The following DLGAP2 variants were observed in gnomAD, a reference collection of about 807,000 sequenced individuals.
DLGAP2 encodes DLG associated protein 2.
Under a neutral mutation model 100.3 loss-of-function variants are expected in DLGAP2, and 26 were observed. That is an observed-to-expected ratio of 0.26 (90% CI 0.19 to 0.36). DLGAP2 has a LOEUF of 0.36. Ranked by LOEUF, DLGAP2 falls within the 10% of genes least tolerant of loss-of-function variation. DLGAP2 has a pLI of 1.00. For missense variants in DLGAP2, 1,858 were observed against 1,453.2 expected (o/e 1.28, Z -4.53); for synonymous variants, 886 against 630.1 (o/e 1.41, Z -6.08).
At chr8:1,627,881 G>T (rs4875879) in intron 7 of DLGAP2, among the ~76,000 whole-genome samples, 29,769 of 140,192 alleles carry the variant, frequency 0.21, 2,963 homozygotes, top group African/African-American at 0.35. Flanking sequence ...TTACTGTGGA[G>T]CAGGAATTAA....
intron 6 of DLGAP2, among the ~76,000 whole-genome samples, chr8:1,623,316 C>CA (rs1797396055): frequency 6.6e-6 from 1 of 152,140 alleles, no homozygotes; most frequent in Non-Finnish European, 1.5e-5. Flanking sequence ...TGACCTGGCA[C>CA]CAGTGTGTGA....
chr8:1,660,213 T>C (rs913929369), intron 8 of DLGAP2, among the ~76,000 whole-genome samples: 1 of 152,234 alleles, frequency 6.6e-6, no homozygotes, highest in Non-Finnish European at 1.5e-5. Context: ...AGAGATCTGC[T>C]GTTAGTCTCA....
intron 2 of DLGAP2, among the ~76,000 whole-genome samples, chr8:1,107,115 C>G (rs1016332780): frequency 6.6e-6 from 1 of 152,174 alleles, no homozygotes; most frequent in Non-Finnish European, 1.5e-5. Context: ...CGGGCGGTAT[C>G]ACACACGCAT....
Position 1,258,395 on chromosome 8 carries a change from T to A in DLGAP2, c.74-456T>A, listed in dbSNP as rs983290722. On this transcript the variant is annotated intron_variant, in intron 2 of 14. Transcript: ENST00000637795. Reference sequence around the variant, plus strand: ...GTGGGAGTTGAACAATGAGAACACATGGACATAGAGGGGAATGTCACACAC... The same window carrying A: ...GTGGGAGTTGAACAATGAGAACACAAGGACATAGAGGGGAATGTCACACAC... 3.7e-5 allele frequency among the ~76,000 whole-genome samples: 5 copies of A among 136,580 alleles called. No individual in the cohort carries two copies. The Admixed American group carries it at 3.9e-4, about 11-fold the overall frequency. 89.6% of individuals were successfully genotyped at this position (136,580 alleles called of 152,430 possible).
Position 1,676,392 on chromosome 8 carries a change from G to A in DLGAP2, c.2203-141G>A, listed in dbSNP as rs183148112. 862 of 781,414 alleles carry A rather than the reference G, an allele frequency of 1.1e-3. 3 individuals are homozygous for A. Among genetic ancestry groups the A allele is most frequent in the Non-Finnish European group, 1.6e-3 (762 of 470,592 alleles). 48.4% of individuals were successfully genotyped at this position (781,414 alleles called of 1,614,324 possible). ...AGTGTGAATGCATTTCCCTCTCTGC[G>A]GTTTTACTGGGTCAAGTGCACCGCT... On this transcript the variant is annotated intron_variant, in intron 10 of 14. Transcript: ENST00000637795.
intron 1 of DLGAP2, among the ~76,000 whole-genome samples, chr8:845,840 G>T (rs1797062019): frequency 6.6e-6 from 1 of 152,194 alleles, no homozygotes; most frequent in African/African-American, 2.4e-5. Flanking sequence ...TTTGCATATG[G>T]TGTGAGGAAG....
chr8:1,666,150 C>T (rs1236241931), intron 8 of DLGAP2, among the ~76,000 whole-genome samples: 2 of 152,194 alleles, frequency 1.3e-5, no homozygotes, highest in African/African-American at 2.4e-5. Context: ...TGGGAACTTT[C>T]TGAGTCTCCT....
rs183964446 is a variant in DLGAP2, at chr8:901,119, A to T, written c.19-6793A>T. On this transcript the variant is annotated intron_variant, in intron 1 of 14. Coordinates refer to ENST00000637795, the MANE Select transcript of DLGAP2 (RefSeq NM_001346810.2). ...CAGCCGGTAAAGACCCCATATCTTT[A>T]AAAAAAATTGTTTTTTAATTAGCTG... is the stretch of plus-strand genomic sequence containing the variant. 3.9e-4 allele frequency among the ~76,000 whole-genome samples: 60 copies of T among 152,096 alleles called. 1 individual carries two copies. Among genetic ancestry groups the T allele is most frequent in the African/African-American group, 1.1e-3 (46 of 41,506 alleles).
intron 3 of DLGAP2, among the ~76,000 whole-genome samples, chr8:1,387,089 C>A (rs544969948): frequency 6.6e-6 from 1 of 151,942 alleles, no homozygotes; most frequent in African/African-American, 2.4e-5. Flanking sequence ...CGGGTGTGGT[C>A]GAAAAGCTCA....
At chr8:851,153 G>C (rs1443099381) in intron 1 of DLGAP2, among the ~76,000 whole-genome samples, 2 of 152,258 alleles carry the variant, frequency 1.3e-5, no homozygotes, top group Non-Finnish European at 2.9e-5. Flanking sequence ...CAAGTGCCAT[G>C]TGTTACAGTT....
At chr8:1,208,226 G>C (rs4596679) in intron 2 of DLGAP2, among the ~76,000 whole-genome samples, 318 of 152,076 alleles carry the variant, frequency 2.1e-3, no homozygotes, top group African/African-American at 7.4e-3. Flanking sequence ...ATCCATCTTG[G>C]GTTGATTCTT....
intron 2 of DLGAP2, among the ~76,000 whole-genome samples, chr8:1,127,092 T>TC (rs1474596039): frequency 7.8e-6 from 1 of 128,404 alleles, no homozygotes; most frequent in South Asian, 2.7e-4. Flanking sequence ...CCCCACCCTG[T>TC]CCCAGCACAG....
intron 3 of DLGAP2, among the ~76,000 whole-genome samples, chr8:1,469,394 A>C (rs935839611): frequency 1.3e-5 from 2 of 152,184 alleles, no homozygotes; most frequent in Non-Finnish European, 2.9e-5. Flanking sequence ...ATGCGTGGCC[A>C]CCATCTCCTC....
chr8:1,190,263 C>G (rs1156533150), intron 2 of DLGAP2, among the ~76,000 whole-genome samples: 2 of 152,210 alleles, frequency 1.3e-5, no homozygotes, highest in Non-Finnish European at 2.9e-5. Context: ...GCACTCCCCA[C>G]TTGCTGTGGT....
chr8:1,041,205 G>A (rs1016993132), intron 2 of DLGAP2, among the ~76,000 whole-genome samples: 5 of 152,192 alleles, frequency 3.3e-5, no homozygotes, highest in Non-Finnish European at 7.3e-5. Flanking sequence ...CCCCACCCAT[G>A]TTGTATCTGC....
chr8:852,332 C>T (rs1797197317), intron 1 of DLGAP2, among the ~76,000 whole-genome samples: 1 of 152,144 alleles, frequency 6.6e-6, no homozygotes, highest in Non-Finnish European at 1.5e-5. Context: ...GTCATGAAAC[C>T]ACAGTAGCCT....
chr8:745,904 G>T (rs1820606080), intron 1 of DLGAP2, among the ~76,000 whole-genome samples: 5 of 152,220 alleles, frequency 3.3e-5, no homozygotes, highest in Admixed American at 3.3e-4. Flanking sequence ...CCAGAAAGAG[G>T]AACCCTAGAA....
At chr8:1,379,596 C>G (rs559286207) in intron 3 of DLGAP2, 5 of 152,340 alleles carry the variant, frequency 3.3e-5, no homozygotes, top group African/African-American at 1.2e-4. Flanking sequence ...CATTTTTAAC[C>G]AGGTCCCTGG....
chr8:1,205,314 C>T (rs111332404), intron 2 of DLGAP2, among the ~76,000 whole-genome samples: 10 of 152,270 alleles, frequency 6.6e-5, no homozygotes, highest in African/African-American at 1.7e-4. Flanking sequence ...GCCCCTGAGG[C>T]GACGGGCAGC....
Sources: gnomAD v4.1 joint callset for allele counts (sites outside exome capture counted in the v4.1 genomes callset) on GRCh38, gnomAD v4.1.1 for gene constraint, MANE v1.5 for transcripts, NCBI Gene and HGNC (gene_info 2026-07-23, HGNC 2026-07-21) for gene names.